The following CACNA1D variants were observed in gnomAD, a reference collection of about 807,000 sequenced individuals.
The protein encoded by CACNA1D is voltage-dependent L-type calcium channel subunit alpha-1D.
CACNA1D carries 55 observed loss-of-function variants against 257.1 expected under a neutral mutation model. The ratio of observed to expected loss-of-function variants is 0.21; its 90% confidence interval spans 0.17 to 0.27. The LOEUF (loss-of-function observed/expected upper bound fraction) is 0.27, where lower values mean the gene tolerates loss of function less well. Ranked by LOEUF, CACNA1D falls within the 10% of genes least tolerant of loss-of-function variation. The probability of loss-of-function intolerance (pLI) is 1.00; values close to 1 mark genes in which losing one functional copy is unlikely to be tolerated. For synonymous variants in CACNA1D, 980 were observed against 1,014.9 expected, an observed-to-expected ratio of 0.97 and a Z score of 0.65; for missense variants, 1,876 against 2,784.0, an observed-to-expected ratio of 0.67 and a Z score of 7.34.
chr3:53,752,449 G>T (rs1016300377), intron 28 of CACNA1D, among the ~76,000 whole-genome samples: 13 of 152,166 alleles, frequency 8.5e-5, no homozygotes, highest in African/African-American at 3.1e-4. Context: ...GCCCAGGCTG[G>T]AGTGCAGTAG....
At chr3:53,740,584 C>A in intron 21 of CACNA1D, 1 of 442,106 alleles carries the variant, frequency 2.3e-6, no homozygotes, top group Non-Finnish European at 4.1e-6. Context: ...TTTTGTCTTT[C>A]GTGGTTGAGC....
At chr3:53,608,159 T>A (rs991254002) in intron 3 of CACNA1D, among the ~76,000 whole-genome samples, 1 of 151,668 alleles carries the variant, frequency 6.6e-6, no homozygotes, top group Non-Finnish European at 1.5e-5. Context: ...TATTTAGATT[T>A]GATTTAATTT....
At chr3:53,514,730 G>C (rs568071754) in intron 3 of CACNA1D, among the ~76,000 whole-genome samples, 6 of 152,286 alleles carry the variant, frequency 3.9e-5, no homozygotes, top group African/African-American at 1.2e-4. Flanking sequence ...AGACCAGCCG[G>C]CTTGCTCTGG....
intron 8 of CACNA1D, among the ~76,000 whole-genome samples, chr3:53,687,627 A>T (rs918690150): frequency 1.3e-5 from 2 of 152,198 alleles, no homozygotes; most frequent in African/African-American, 4.8e-5. Context: ...TCTAATTAAA[A>T]AGCTAAACAT....
At chr3:53,602,244 A>G (rs115466509) in intron 3 of CACNA1D, among the ~76,000 whole-genome samples, 8 of 152,356 alleles carry the variant, frequency 5.3e-5, no homozygotes, top group African/African-American at 1.7e-4. Context: ...TTCAGTTAAC[A>G]TAATGACCCT....
rs1371652115 is a variant in CACNA1D, at chr3:53,769,953, C to T, written c.3871-20C>T. 2 of 1,597,436 alleles carry T rather than the reference C, an allele frequency of 1.3e-6. No individual in the cohort carries two copies. The highest frequency in any genetic ancestry group is 2.2e-5 in the East Asian group (1 of 44,802). On this transcript the variant is annotated intron_variant, in intron 30 of 47. Coordinates refer to ENST00000350061, the MANE Select transcript of CACNA1D (RefSeq NM_001128840.3). ...CCTTCCTGGTTCATTAATCCATTTT[C>T]AATCTTTGATTTCTTAAAGCCAACT...
intron 3 of CACNA1D, among the ~76,000 whole-genome samples, chr3:53,503,775 T>G (rs1451279335): frequency 3.9e-5 from 6 of 152,104 alleles, no homozygotes; most frequent in East Asian, 1.9e-4. Flanking sequence ...TTTTTTTTTT[T>G]TGTGGGGGGG....
intron 3 of CACNA1D, among the ~76,000 whole-genome samples, chr3:53,507,072 C>CAAAAAAAA (rs781421977): frequency 3.2e-4 from 18 of 56,646 alleles, no homozygotes; most frequent in Admixed American, 4.5e-4. Context: ...GACTCTATCT[C>CAAAAAAAA]AAAAAAAAAA....
rs755075461 is a variant in CACNA1D, at chr3:53,800,305, T to C, written c.4980T>C (p.Cys1660=). The change falls in exon 41 of 48, where the codon TGT becomes TGC. Residue 1660 remains cysteine, a synonymous_variant. Coordinates refer to ENST00000350061, the MANE Select transcript of CACNA1D (RefSeq NM_001128840.3). The surrounding 1 kb of genome is among the most constrained non-coding windows in gnomAD (Gnocchi z 4.3). ...IGPEIRRAIS[C]DLQDDEPEET... The stretch of plus-strand genomic sequence containing the variant: ...CAGAAATCCGGCGTGCTATATCGTG[T>C]GATTTGCAAGATGACGAGCCTGAGG... 11 of 1,614,008 alleles carry C rather than the reference T, an allele frequency of 6.8e-6. No homozygotes were observed. Among genetic ancestry groups the C allele is most frequent in the Admixed American group, 1.7e-5 (1 of 60,014 alleles).
chr3:53,795,809 A>G (rs913667073), intron 40 of CACNA1D, among the ~76,000 whole-genome samples: 8 of 152,190 alleles, frequency 5.3e-5, no homozygotes, highest in African/African-American at 1.7e-4. Context: ...CAAAGGTCAT[A>G]TTTTAGATAA....
At chr3:53,790,276 C>T (rs1038959499) in intron 40 of CACNA1D, among the ~76,000 whole-genome samples, 2 of 152,246 alleles carry the variant, frequency 1.3e-5, no homozygotes, top group East Asian at 3.8e-4. Context: ...GACAGCAATG[C>T]ATGCTGAATG....
intron 28 of CACNA1D, among the ~76,000 whole-genome samples, chr3:53,753,213 T>C (rs528735122): frequency 6.6e-6 from 1 of 152,366 alleles, no homozygotes; most frequent in Admixed American, 6.5e-5. Flanking sequence ...GCATAAAATT[T>C]ATCCCTAACC....
At chr3:53,740,453 C>G (rs934915131) in intron 21 of CACNA1D, 114 bp downstream of exon 21, 1 of 786,100 alleles carries the variant, frequency 1.3e-6, no homozygotes, top group Non-Finnish European at 2.3e-6. Flanking sequence ...TTCACTGGTA[C>G]TTTTGCATTT....
At chr3:53,809,896 C>T (rs375966658) in intron 46 of CACNA1D, 82 bp from the exon 47 acceptor site, 41 of 1,320,674 alleles carry the variant, frequency 3.1e-5, no homozygotes, top group African/African-American at 1.3e-4. Flanking sequence ...AGCGCAGCGC[C>T]GGTGCTTGGT....
At chr3:53,798,318 T>TGTGTGC (rs2095517931) in intron 40 of CACNA1D, among the ~76,000 whole-genome samples, 1 of 149,274 alleles carries the variant, frequency 6.7e-6, no homozygotes, top group Non-Finnish European at 1.5e-5. Context: ...CGTGTGTGTG[T>TGTGTGC]GTGTGTGTGC....
chr3:53,786,645 C>A (rs2095454335), intron 39 of CACNA1D, 177 bp from the exon 40 acceptor site: 2 of 623,716 alleles, frequency 3.2e-6, no homozygotes, highest in African/African-American at 3.7e-5. Flanking sequence ...CTTTGCAAAA[C>A]CTTGCTTTTT....
Position 53,542,991 on chromosome 3 carries a change from G to GTA in CACNA1D, c.483+41272_483+41273dup, listed in dbSNP as rs555068988. Reference sequence around the variant, plus strand: ...CGCTTGAACCCGGGAGGCGGAGGTTGTAGTGAGCCGAGATTGTGCCATTGC... The same window carrying GTA: ...CGCTTGAACCCGGGAGGCGGAGGTTGTATAGTGAGCCGAGATTGTGCCATTGC... On this transcript the variant is annotated intron_variant, in intron 3 of 47. Coordinates refer to ENST00000350061, the MANE Select transcript of CACNA1D (RefSeq NM_001128840.3). Among the ~76,000 whole-genome samples the GTA allele has an allele frequency of 1.9e-3, 294 of 151,750 alleles. 1 individual carries two copies. The highest frequency in any genetic ancestry group is 6.6e-3 in the African/African-American group (271 of 41,308).
intron 27 of CACNA1D, 134 bp downstream of exon 27, chr3:53,749,603 A>G: frequency 1.4e-6 from 1 of 710,416 alleles, no homozygotes; most frequent in East Asian, 2.7e-5. Context: ...CCCTGTTCTA[A>G]GCACACCCTC....
intron 3 of CACNA1D, among the ~76,000 whole-genome samples, chr3:53,598,688 A>G (rs1025291847): frequency 3.9e-5 from 6 of 152,266 alleles, no homozygotes; most frequent in Admixed American, 3.9e-4. Flanking sequence ...ACTTCTACAC[A>G]AGGTCAAGAG....
Sources: allele counts gnomAD v4.1 joint callset (sites outside exome capture counted in the v4.1 genomes callset), GRCh38; gene constraint gnomAD v4.1.1; non-coding constraint Gnocchi (gnomAD v3.1); transcripts MANE v1.5; gene names NCBI Gene and HGNC (gene_info 2026-07-23, HGNC 2026-07-21).